The following THOC3 variants were observed in gnomAD, a reference collection of about 807,000 sequenced individuals.
THOC3 encodes the protein THO complex subunit 3, also known as TEX1 homolog.
A neutral mutation model predicts 23.3 loss-of-function variants in THOC3; 4 were observed. The ratio of observed to expected loss-of-function variants is 0.17; its 90% CI spans 0.08 to 0.39. THOC3 has a LOEUF of 0.39. THOC3 is among the 10% of genes least tolerant of loss of function. The pLI is 1.00. For synonymous variants in THOC3, 27 were observed against 141.5 expected, an observed-to-expected ratio of 0.19 and a Z score of 5.74; for missense variants, 64 against 359.4, an observed-to-expected ratio of 0.18 and a Z score of 6.65.
intron 3 of THOC3, among the ~76,000 whole-genome samples, chr5:175,964,349 A>G (rs1756724901): frequency 6.6e-6 from 1 of 152,258 alleles, no homozygotes; most frequent in Non-Finnish European, 1.5e-5. Flanking sequence ...GCAAAGTGAT[A>G]TTTCAGTTGA....
intron 3 of THOC3, among the ~76,000 whole-genome samples, chr5:175,964,157 G>C (rs1261156445): frequency 6.6e-6 from 1 of 152,210 alleles, no homozygotes; most frequent in African/African-American, 2.4e-5. Flanking sequence ...AGACATTAGG[G>C]ACTCAACACT....
chr5:175,962,849 A>G (rs1219189965), intron 3 of THOC3, among the ~76,000 whole-genome samples: 1 of 149,922 alleles, frequency 6.7e-6, no homozygotes, highest in East Asian at 1.9e-4. Flanking sequence ...TGTTCTGATT[A>G]AAGGTCTGGG....
intron 2 of THOC3, chr5:175,965,411 A>C (rs1756746218): frequency 1.8e-6 from 1 of 554,062 alleles, no homozygotes; most frequent in Non-Finnish European, 3.2e-6. Flanking sequence ...ATAAGATTTT[A>C]TAGATGAAGG....
chr5:175,961,846 C>T (rs1335398731), intron 3 of THOC3, among the ~76,000 whole-genome samples: 3 of 152,020 alleles, frequency 2.0e-5, no homozygotes, highest in East Asian at 1.9e-4. Context: ...AGCACAATAA[C>T]GTTTTATAAA....
At chr5:175,963,557 T>G (rs1350448636) in intron 3 of THOC3, among the ~76,000 whole-genome samples, 1 of 143,612 alleles carries the variant, frequency 7.0e-6, no homozygotes, top group African/African-American at 2.6e-5. Flanking sequence ...TTGGGCGGGG[T>G]TGCACAAGAG....
At chr5:175,965,890 T>G (rs1482202452) in intron 2 of THOC3, among the ~76,000 whole-genome samples, 36 of 152,384 alleles carry the variant, frequency 2.4e-4, no homozygotes, top group Non-Finnish European at 4.8e-4. Context: ...TTCAAAAAAG[T>G]TTACTTAAAT....
chr5:175,962,610 C>T (rs1404307481), intron 3 of THOC3, among the ~76,000 whole-genome samples: 1 of 147,044 alleles, frequency 6.8e-6, no homozygotes, highest in Non-Finnish European at 1.5e-5. Flanking sequence ...CTACAACCTC[C>T]GCCTCCCGGG....
At chr5:175,966,804 AC>A (rs1756773921) in intron 2 of THOC3, among the ~76,000 whole-genome samples, 1 of 151,098 alleles carries the variant, frequency 6.6e-6, no homozygotes, top group South Asian at 2.1e-4. Context: ...TCCTATGGCT[AC>A]CCTAAAAGTT....
At chr5:175,962,415 TATATATACACAC>T (rs1756676050) in intron 3 of THOC3, among the ~76,000 whole-genome samples, 1 of 33,252 alleles carries the variant, frequency 3.0e-5, no homozygotes, top group African/African-American at 9.8e-5. Context: ...TAAATATATA[TATATATACACAC>T]ACACACACAC....
chr5:175,959,756 G>A lies in THOC3; in HGVS notation c.*213C>T. On this transcript the variant is annotated 3_prime_UTR_variant, in exon 6 of 6. Transcript: ENST00000265097. ...GTGGGGTCACTACTCGCACTGCAGAGTCCACGCGAGTTAACTCATGCTGGG... is the reference window on the plus strand; with the variant it reads ...GTGGGGTCACTACTCGCACTGCAGAATCCACGCGAGTTAACTCATGCTGGG... 1 of 153,766 alleles carries A rather than the reference G, an allele frequency of 6.5e-6. No homozygotes were observed. The highest frequency in any genetic ancestry group is 1.4e-5 in the Non-Finnish European group (1 of 73,020). The allele number at this position is 153,766 out of a possible 1,614,324, so 9.5% of individuals were successfully genotyped here.
chr5:175,966,990 T>TAAA (rs1444117261), intron 2 of THOC3, 121 bp downstream of exon 2: 4 of 967,980 alleles, frequency 4.1e-6, no homozygotes, highest in Non-Finnish European at 6.5e-6. Flanking sequence ...TGGAAACTCT[T>TAAA]ATTCAGCTCA....
chr5:175,961,616 G>A (rs1161160897), intron 3 of THOC3, among the ~76,000 whole-genome samples, 182 bp from the exon 4 acceptor site: 4 of 151,268 alleles, frequency 2.6e-5, no homozygotes, highest in African/African-American at 9.8e-5. Flanking sequence ...ACACATACCT[G>A]AGACTACAGA....
At chr5:175,967,449 G>C in intron 1 of THOC3, 182 bp from the exon 2 acceptor site, 1 of 319,140 alleles carries the variant, frequency 3.1e-6, no homozygotes, top group Middle Eastern at 8.5e-4. Flanking sequence ...GTTTTTCTCA[G>C]CTTCCACACC....
At chr5:175,962,882 T>C (rs1292882456) in intron 3 of THOC3, among the ~76,000 whole-genome samples, 9 of 150,460 alleles carry the variant, frequency 6.0e-5, no homozygotes, top group Non-Finnish European at 1.2e-4. Flanking sequence ...CAAGATGAAC[T>C]TGGAACATCT....
At chr5:175,962,546 G>A (rs1375048956) in intron 3 of THOC3, among the ~76,000 whole-genome samples, 29 of 145,730 alleles carry the variant, frequency 2.0e-4, no homozygotes, top group African/African-American at 7.0e-4. Context: ...TTTTGAGGTG[G>A]AATCTCACTC....
At chr5:175,963,292 TTAAC>T (rs1322165304) in intron 3 of THOC3, among the ~76,000 whole-genome samples, 1 of 152,208 alleles carries the variant, frequency 6.6e-6, no homozygotes, top group Non-Finnish European at 1.5e-5. Flanking sequence ...TCTCCACAGG[TTAAC>T]AGTCTGGTTT....
At chr5:175,962,419 T>C (rs200922839) in intron 3 of THOC3, among the ~76,000 whole-genome samples, 10,704 of 31,272 alleles carry the variant, frequency 0.34, 1,857 homozygotes, top group Non-Finnish European at 0.43. Context: ...TATATATATA[T>C]ATACACACAC....
intron 1 of THOC3, among the ~76,000 whole-genome samples, 189 bp downstream of exon 1, chr5:175,967,753 A>C: frequency 2.9e-5 from 3 of 102,274 alleles, no homozygotes; most frequent in Admixed American, 9.4e-5. Context: ...ACCCCTCACG[A>C]CCCCGTCACC....
intron 3 of THOC3, among the ~76,000 whole-genome samples, chr5:175,964,634 G>A (rs1404223945): frequency 6.9e-5 from 6 of 87,068 alleles, no homozygotes; most frequent in African/African-American, 2.2e-4. Flanking sequence ...AAAAAAAAAG[G>A]GAGTACGAAT....
Sources: gnomAD v4.1 joint callset for allele counts (sites outside exome capture counted in the v4.1 genomes callset) on GRCh38, gnomAD v4.1.1 for gene constraint, MANE v1.5 for transcripts, NCBI Gene and HGNC (gene_info 2026-07-23, HGNC 2026-07-21) for gene names.